The following LRRTM4 variants were observed in gnomAD, a reference collection of about 807,000 sequenced individuals.
The protein encoded by LRRTM4 is leucine-rich repeat transmembrane neuronal protein 4.
In LRRTM4, 25 loss-of-function variants were observed where a neutral mutation model predicts 47.6. That is an observed-to-expected ratio of 0.53 (90% CI 0.38 to 0.73). LRRTM4 has a LOEUF of 0.73. Among genes scored for constraint, LRRTM4 ranks in the 30% least tolerant of loss-of-function variants. The pLI, the probability that LRRTM4 is intolerant of heterozygous loss-of-function variation, is 0.00. For missense variants in LRRTM4, 638 were observed against 713.4 expected (o/e 0.89, Z 1.20); for synonymous variants, 311 against 269.5 (o/e 1.15, Z -1.51).
At chr2:77,361,329 T>C (rs528853770) in intron 3 of LRRTM4, among the ~76,000 whole-genome samples, 1 of 152,138 alleles carries the variant, frequency 6.6e-6, no homozygotes, top group East Asian at 1.9e-4. Context: ...CATTCTTCCT[T>C]CTCATTTAGG....
At chr2:77,349,964 T>C (rs1486672365) in intron 3 of LRRTM4, among the ~76,000 whole-genome samples, 1 of 152,184 alleles carries the variant, frequency 6.6e-6, no homozygotes, top group African/African-American at 2.4e-5. Context: ...TCAGAATCTT[T>C]ATAAATGGGA....
At chr2:77,096,326 A>G (rs1670811132) in intron 3 of LRRTM4, among the ~76,000 whole-genome samples, 1 of 151,814 alleles carries the variant, frequency 6.6e-6, no homozygotes. Flanking sequence ...TCATTCAGTT[A>G]TGAGGGTAAA....
intron 3 of LRRTM4, among the ~76,000 whole-genome samples, chr2:77,086,280 G>A (rs1256048465): frequency 3.9e-5 from 6 of 152,076 alleles, no homozygotes; most frequent in African/African-American, 1.4e-4. Flanking sequence ...AACTGGTTCA[G>A]GTCTAACATC....
At chr2:77,094,388 A>T (rs1214457045) in intron 3 of LRRTM4, among the ~76,000 whole-genome samples, 1 of 152,162 alleles carries the variant, frequency 6.6e-6, no homozygotes, top group Non-Finnish European at 1.5e-5. Context: ...TGCAATTTCT[A>T]TCAAAATTCT....
At chr2:77,177,452 C>A (rs1249764157) in intron 3 of LRRTM4, among the ~76,000 whole-genome samples, 2 of 152,182 alleles carry the variant, frequency 1.3e-5, no homozygotes, top group Non-Finnish European at 2.9e-5. Flanking sequence ...TCACAAACTG[C>A]CTCATCTTCC....
chr2:77,421,021 A>T (rs1449956955), intron 3 of LRRTM4, among the ~76,000 whole-genome samples: 1 of 151,422 alleles, frequency 6.6e-6, no homozygotes, highest in African/African-American at 2.4e-5. Flanking sequence ...AATATAAAAA[A>T]TTAGCTTGAA....
chr2:77,095,013 G>C (rs1221302104), intron 3 of LRRTM4, among the ~76,000 whole-genome samples: 3 of 152,116 alleles, frequency 2.0e-5, no homozygotes, highest in Non-Finnish European at 4.4e-5. Context: ...AGAAATATTT[G>C]CAAATCATAA....
At chr2:77,127,704 C>G (rs1311314618) in intron 3 of LRRTM4, among the ~76,000 whole-genome samples, 2 of 152,102 alleles carry the variant, frequency 1.3e-5, no homozygotes, top group African/African-American at 4.8e-5. Flanking sequence ...AAGAACAAGT[C>G]TCCTGAAAAA....
At position 77,370,258 on chromosome 2, in the gene LRRTM4, G is replaced by T. The variant is rs150142982; in HGVS notation, c.1551+148060C>A. ...TTCCAGAGAGATGGACTCCCCTAAG[G>T]CTAATTCAAACTCATGCCTGGAAAG... On this transcript the variant is annotated intron_variant, in intron 3 of 3. Transcript: ENST00000409884. 1.1e-4 allele frequency among the ~76,000 whole-genome samples: 16 copies of T among 151,672 alleles called. No homozygotes were observed. In the South Asian group the frequency reaches 2.3e-3, roughly 22 times the overall value.
rs1491537698 is a variant in LRRTM4 at position 77,033,423 on chromosome 2, CAT to C, written c.1552-284509_1552-284508del. Among the ~76,000 whole-genome samples, 113 of 139,268 alleles carry C rather than the reference CAT, an allele frequency of 8.1e-4. 1 individual carries two copies. The highest frequency in any genetic ancestry group is 7.8e-4 in the Non-Finnish European group (50 of 64,084). The allele number at this position is 139,268 out of a possible 152,430, so 91.4% of individuals were successfully genotyped here. A position where few individuals can be genotyped will look rare whatever the true frequency, so the allele number is the denominator to read the frequency against. On this transcript the variant is annotated intron_variant, in intron 3 of 3. Coordinates refer to ENST00000409884, the MANE Select transcript of LRRTM4 (RefSeq NM_001134745.3). ...CTCATAAATATGTAAGCAATAAATG[CAT>C]AGTTTTTTTTACTCTTAATATATTA...
At chr2:77,212,971 A>T (rs573383365) in intron 3 of LRRTM4, among the ~76,000 whole-genome samples, 4 of 152,226 alleles carry the variant, frequency 2.6e-5, no homozygotes, top group South Asian at 4.2e-4. Context: ...ACTGTACTTC[A>T]TTAGAAATAC....
intron 3 of LRRTM4, among the ~76,000 whole-genome samples, chr2:77,071,238 A>G (rs149440435): frequency 9.8e-5 from 15 of 152,352 alleles, no homozygotes; most frequent in African/African-American, 3.6e-4. Flanking sequence ...TACAATAATT[A>G]CATAACTTAA....
intron 3 of LRRTM4, among the ~76,000 whole-genome samples, chr2:77,079,348 G>C (rs1310014419): frequency 6.6e-6 from 1 of 152,158 alleles, no homozygotes; most frequent in Non-Finnish European, 1.5e-5. Flanking sequence ...TGTAAATACA[G>C]TTTTATTGAA....
intron 3 of LRRTM4, among the ~76,000 whole-genome samples, chr2:77,336,689 C>A (rs951378232): frequency 1.3e-5 from 2 of 152,092 alleles, no homozygotes; most frequent in Admixed American, 1.3e-4. Flanking sequence ...AAACCCTCAA[C>A]AAACCTGGCT....
intron 3 of LRRTM4, among the ~76,000 whole-genome samples, chr2:77,132,434 G>T (rs750806046): frequency 2.0e-5 from 3 of 152,088 alleles, no homozygotes; most frequent in Non-Finnish European, 4.4e-5. Context: ...TTGCCATTGT[G>T]TCAAGTGCTA....
chr2:77,442,476 A>G (rs572713616), intron 3 of LRRTM4, among the ~76,000 whole-genome samples: 11 of 152,192 alleles, frequency 7.2e-5, no homozygotes, highest in Non-Finnish European at 1.2e-4. Flanking sequence ...CCAAAACAAG[A>G]ATTTATGATT....
intron 3 of LRRTM4, among the ~76,000 whole-genome samples, chr2:77,238,894 T>G (rs891916383): frequency 2.6e-5 from 4 of 151,988 alleles, no homozygotes; most frequent in Admixed American, 6.6e-5. Flanking sequence ...GGGGACAAAC[T>G]AATGCTAAGA....
chr2:77,219,982 C>T (rs538275671), intron 3 of LRRTM4, among the ~76,000 whole-genome samples: 10 of 152,266 alleles, frequency 6.6e-5, no homozygotes, highest in African/African-American at 1.9e-4. Context: ...ACATTTCACA[C>T]GGCCGGATAC....
intron 3 of LRRTM4, among the ~76,000 whole-genome samples, chr2:77,361,211 G>T: frequency 6.7e-6 from 1 of 149,238 alleles, no homozygotes. Flanking sequence ...ACTTCTCTTA[G>T]CACATGATCT....
Sources: gnomAD v4.1 joint callset for allele counts (sites outside exome capture counted in the v4.1 genomes callset) on GRCh38, gnomAD v4.1.1 for gene constraint, MANE v1.5 for transcripts, NCBI Gene and HGNC (gene_info 2026-07-23, HGNC 2026-07-21) for gene names.